Variants in OPHN1 observed in about 807,000 individuals in gnomAD.
OPHN1 encodes oligophrenin-1.
OPHN1 carries 11 observed loss-of-function variants against 60.7 expected under a neutral mutation model. The observed-to-expected ratio is 0.18, with a 90% CI of 0.11 to 0.30. The LOEUF (loss-of-function observed/expected upper bound fraction) is 0.30. OPHN1 is among the 10% of genes least tolerant of loss of function. The pLI is 1.00. For missense variants in OPHN1, 449 were observed against 611.0 expected, an observed-to-expected ratio of 0.73 and a Z score of 2.80; for synonymous variants, 226 against 222.6, an observed-to-expected ratio of 1.02 and a Z score of -0.14.
intron 18 of OPHN1, among the ~76,000 whole-genome samples, chrX:68,108,739 C>G (rs2077092108): frequency 9.0e-6 from 1 of 111,725 alleles, no homozygotes; most frequent in Non-Finnish European, 1.9e-5. Flanking sequence ...ATTGCTTTCT[C>G]TCTGTAATTA....
chrX:68,193,362 G>A (rs1389084542), intron 14 of OPHN1, among the ~76,000 whole-genome samples: 4 of 111,834 alleles, frequency 3.6e-5, no homozygotes, highest in East Asian at 2.8e-4. Flanking sequence ...TATAAATCAC[G>A]AGAGGGCTGG....
chrX:68,171,254 A>G (rs1180147347), intron 15 of OPHN1, among the ~76,000 whole-genome samples: 1 of 110,944 alleles, frequency 9.0e-6, no homozygotes, highest in Non-Finnish European at 1.9e-5. Flanking sequence ...TATACCTACT[A>G]TGTACACACA....
chrX:68,260,388 T>TC, intron 5 of OPHN1, among the ~76,000 whole-genome samples: 1 of 110,999 alleles, frequency 9.0e-6, no homozygotes, highest in Non-Finnish European at 1.9e-5. Context: ...TGCCACAATG[T>TC]ATATATCCAT....
At chrX:68,201,587 G>C (rs754192353) in intron 11 of OPHN1, 32 bp downstream of exon 11, 1 of 1,128,605 alleles carries the variant, frequency 8.9e-7, no homozygotes, top group Middle Eastern at 2.4e-4. Flanking sequence ...TGGCACGTGG[G>C]GACATTGCCA....
intron 10 of OPHN1, 134 bp from the exon 11 acceptor site, chrX:68,201,844 G>T: frequency 1.9e-6 from 1 of 529,389 alleles, no homozygotes. Flanking sequence ...GACTCACTGA[G>T]AATCTTGTCC....
intron 2 of OPHN1, among the ~76,000 whole-genome samples, chrX:68,365,690 C>A (rs1165939876): frequency 9.0e-6 from 1 of 110,827 alleles, no homozygotes; most frequent in Non-Finnish European, 1.9e-5. Context: ...TGTCACTGAG[C>A]CCACTTCTCT....
At chrX:68,216,444 T>A (rs929205746) in intron 6 of OPHN1, among the ~76,000 whole-genome samples, 1 of 111,018 alleles carries the variant, frequency 9.0e-6, no homozygotes, top group Non-Finnish European at 1.9e-5. Flanking sequence ...TAGACTGTCA[T>A]AGTGCACAAA....
intron 5 of OPHN1, among the ~76,000 whole-genome samples, chrX:68,247,740 A>G (rs1400127722): frequency 9.7e-6 from 1 of 103,330 alleles, no homozygotes; most frequent in African/African-American, 3.8e-5. Context: ...GTAACATGGC[A>G]AAACCCAGTC....
chrX:68,129,406 T>C (rs2077184764), intron 15 of OPHN1, among the ~76,000 whole-genome samples: 1 of 111,856 alleles, frequency 8.9e-6, no homozygotes, highest in Non-Finnish European at 1.9e-5. Context: ...ATTAATTCAT[T>C]GGGTCCATGA....
chrX:68,397,334 C>T (rs2078689837), intron 2 of OPHN1, among the ~76,000 whole-genome samples: 1 of 110,053 alleles, frequency 9.1e-6, no homozygotes, highest in African/African-American at 3.3e-5. Context: ...GGCTTCTTAT[C>T]GGAGAACATC....
intron 20 of OPHN1, among the ~76,000 whole-genome samples, chrX:68,069,325 TA>T (rs200705574): frequency 4.5e-5 from 5 of 111,145 alleles, no homozygotes; most frequent in African/African-American, 1.6e-4. Flanking sequence ...TTGGATATAG[TA>T]AAAAAAACAA....
At chrX:68,218,161 C>A (rs1360714631) in intron 6 of OPHN1, among the ~76,000 whole-genome samples, 4 of 95,041 alleles carry the variant, frequency 4.2e-5, no homozygotes, top group Admixed American at 1.2e-4. Context: ...ATGCGATCAA[C>A]TGGAAGAAAG....
chrX:68,222,494 G>C, intron 6 of OPHN1, among the ~76,000 whole-genome samples: 1 of 102,039 alleles, frequency 9.8e-6, no homozygotes, highest in Non-Finnish European at 2.0e-5. Flanking sequence ...GTTTATTGCG[G>C]CATTATTCAC....
At chrX:68,067,901 T>G (rs2147364525) in intron 20 of OPHN1, among the ~76,000 whole-genome samples, 1 of 111,778 alleles carries the variant, frequency 8.9e-6, no homozygotes, top group Non-Finnish European at 1.9e-5. Flanking sequence ...TTATAGTAAA[T>G]AAATAAGCTT....
intron 2 of OPHN1, among the ~76,000 whole-genome samples, chrX:68,369,906 A>G (rs2078518306): frequency 1.9e-5 from 2 of 105,667 alleles, no homozygotes; most frequent in African/African-American, 7.0e-5. Context: ...AAGCTGCAAG[A>G]AAAAAGCAAC....
chrX:68,280,477 T>C (rs1392571231), intron 4 of OPHN1, among the ~76,000 whole-genome samples: 5 of 111,756 alleles, frequency 4.5e-5, no homozygotes, highest in African/African-American at 1.6e-4. Flanking sequence ...CCTTCATTCC[T>C]ACTTCTCTAG....
intron 2 of OPHN1, among the ~76,000 whole-genome samples, chrX:68,313,292 C>T (rs777566975): frequency 2.7e-5 from 3 of 110,867 alleles, no homozygotes; most frequent in African/African-American, 6.6e-5. Flanking sequence ...ATTGAGCTGC[C>T]GTATGATCCT....
rs905501151 is a variant in OPHN1, at chrX:68,226,040, C to G, written c.486+8447G>C. Among the ~76,000 whole-genome samples, 3 of 111,638 alleles carry G rather than the reference C, an allele frequency of 2.7e-5. No individual in the cohort carries two copies. In the Admixed American group the frequency reaches 2.9e-4, roughly 11 times the overall value. ...CAGCATAGAGAAGACCTTAAATGAC[C>G]TGATGCAGCTGAAAACCAAGGCATG... On this transcript the variant is annotated intron_variant, in intron 6 of 24. Coordinates refer to ENST00000355520, the MANE Select transcript of OPHN1 (RefSeq NM_002547.3).
At chrX:68,429,351 G>C (rs371640820) in intron 2 of OPHN1, among the ~76,000 whole-genome samples, 1 of 110,639 alleles carries the variant, frequency 9.0e-6, no homozygotes, top group East Asian at 2.8e-4. Flanking sequence ...GCTTAAACCC[G>C]GGAGGCGGAG....
Sources: allele counts gnomAD v4.1 joint callset (sites outside exome capture counted in the v4.1 genomes callset), GRCh38; gene constraint gnomAD v4.1.1; transcripts MANE v1.5; gene names NCBI Gene and HGNC (gene_info 2026-07-23, HGNC 2026-07-21).